The following SHROOM3 variants were observed in gnomAD, a reference collection of about 807,000 sequenced individuals.
SHROOM3 encodes the protein protein Shroom3.
In SHROOM3, 47 loss-of-function variants were observed where a neutral mutation model predicts 138.6. That is an observed-to-expected ratio of 0.34 (90% CI 0.27 to 0.43). The LOEUF (loss-of-function observed/expected upper bound fraction) is 0.43. SHROOM3 is among the 20% of genes least tolerant of loss of function. The pLI, the probability that SHROOM3 is intolerant of heterozygous loss-of-function variation, is 1.00. For missense variants in SHROOM3, 2,491 were observed against 2,596.5 expected (o/e 0.96, Z 0.88); for synonymous variants, 1,062 against 1,063.3 (o/e 1.00, Z 0.02).
intron 2 of SHROOM3, among the ~76,000 whole-genome samples, chr4:76,674,250 C>T (rs1005086936): frequency 3.3e-5 from 5 of 152,054 alleles, no homozygotes; most frequent in Admixed American, 2.6e-4. Context: ...ATTCATATGT[C>T]GAAAAGTCAA....
intron 1 of SHROOM3, among the ~76,000 whole-genome samples, chr4:76,484,923 G>C (rs1239170115): frequency 6.6e-6 from 1 of 152,146 alleles, no homozygotes; most frequent in Non-Finnish European, 1.5e-5. Flanking sequence ...CACTGAAGCT[G>C]CTGACCCTTT....
At chr4:76,613,476 G>A (rs924428436) in intron 2 of SHROOM3, among the ~76,000 whole-genome samples, 1 of 152,162 alleles carries the variant, frequency 6.6e-6, no homozygotes, top group Non-Finnish European at 1.5e-5. Flanking sequence ...AAGGAGTCAA[G>A]TACCAACAGT....
chr4:76,606,401 GT>G (rs1734621908), intron 2 of SHROOM3, among the ~76,000 whole-genome samples: 1 of 149,374 alleles, frequency 6.7e-6, no homozygotes, highest in African/African-American at 2.4e-5. Flanking sequence ...CTGAATGTTG[GT>G]TTTTTATCTG....
intron 1 of SHROOM3, among the ~76,000 whole-genome samples, chr4:76,554,582 G>T (rs1369996637): frequency 6.6e-6 from 1 of 151,932 alleles, no homozygotes; most frequent in Non-Finnish European, 1.5e-5. Context: ...ACCATGCCTG[G>T]CTAATTTTTT....
intron 1 of SHROOM3, among the ~76,000 whole-genome samples, chr4:76,512,937 T>G (rs1004019729): frequency 2.6e-5 from 4 of 152,194 alleles, no homozygotes; most frequent in Admixed American, 1.3e-4. Flanking sequence ...CACAATGTCA[T>G]AAAAGTACCC....
intron 1 of SHROOM3, among the ~76,000 whole-genome samples, chr4:76,441,847 C>T (rs959362634): frequency 6.6e-6 from 1 of 152,160 alleles, no homozygotes; most frequent in Non-Finnish European, 1.5e-5. Flanking sequence ...CTCAGCCTCC[C>T]AAGTAGCTGG....
chr4:76,765,734 C>T (rs563483268), intron 9 of SHROOM3, among the ~76,000 whole-genome samples: 13 of 152,068 alleles, frequency 8.5e-5, no homozygotes, highest in Non-Finnish European at 1.9e-4. Flanking sequence ...TCTAATCTTA[C>T]GACTGCACAA....
intron 2 of SHROOM3, among the ~76,000 whole-genome samples, chr4:76,572,755 A>G (rs1046685301): frequency 6.6e-6 from 1 of 152,112 alleles, no homozygotes; most frequent in African/African-American, 2.4e-5. Context: ...TTTATTCTGA[A>G]CTAGTTTTCT....
At chr4:76,504,677 C>T (rs1382381507) in intron 1 of SHROOM3, among the ~76,000 whole-genome samples, 5 of 152,168 alleles carry the variant, frequency 3.3e-5, no homozygotes, top group Admixed American at 3.3e-4. Flanking sequence ...TAATCCCCTG[C>T]CCCTAAAGTC....
chr4:76,697,939 A>G (rs917786075), intron 2 of SHROOM3, among the ~76,000 whole-genome samples: 2 of 152,206 alleles, frequency 1.3e-5, no homozygotes, highest in African/African-American at 4.8e-5. Context: ...TATAGTAACT[A>G]AGAGAAAGGA....
intron 1 of SHROOM3, among the ~76,000 whole-genome samples, chr4:76,526,249 C>G (rs1732686747): frequency 6.6e-6 from 1 of 152,132 alleles, no homozygotes; most frequent in Non-Finnish European, 1.5e-5. Context: ...TGCCTGTAAT[C>G]CCAGCTACTC....
intron 2 of SHROOM3, among the ~76,000 whole-genome samples, chr4:76,601,386 A>G (rs532073134): frequency 9.9e-5 from 15 of 152,280 alleles, no homozygotes; most frequent in Admixed American, 3.9e-4. Context: ...CAGTAATGCC[A>G]AGGCTGAGAA....
chr4:76,475,854 A>G (rs1237367823), intron 1 of SHROOM3, among the ~76,000 whole-genome samples: 3 of 152,252 alleles, frequency 2.0e-5, no homozygotes, highest in African/African-American at 7.2e-5. Context: ...AATAGCTTTC[A>G]TTAATGTAAC....
At chr4:76,559,223 T>C (rs1733549777) in intron 2 of SHROOM3, 1 of 152,188 alleles carries the variant, frequency 6.6e-6, no homozygotes, top group Admixed American at 6.5e-5. Context: ...ATCTGACACA[T>C]GCTTATAGAT....
At position 76,739,158 on chromosome 4, in the gene SHROOM3, C is replaced by T; in HGVS notation, c.985C>T (p.Leu329=). ...GTATGAGGTGAACTCTTCAGCCCTG[C>T]TGCTTCAAGGTAGGGAGGCCCGAGC... The part of the protein sequence containing the change: ...AEYEVNSSAL[L]LQGREARASA... The change falls in exon 5 of 11, where the codon CTG becomes TTG. Residue 329 remains leucine, a synonymous_variant. Transcript: ENST00000296043. 6.2e-7 allele frequency: 1 copy of T among 1,614,180 alleles called. No homozygotes were observed. Among genetic ancestry groups the T allele is most frequent in the Non-Finnish European group, 8.5e-7 (1 of 1,180,014 alleles).
chr4:76,652,942 G>A (rs1735991441), intron 2 of SHROOM3, among the ~76,000 whole-genome samples: 1 of 152,076 alleles, frequency 6.6e-6, no homozygotes, highest in South Asian at 2.1e-4. Flanking sequence ...TAGACCTGGA[G>A]CAGATATATC....
chr4:76,670,999 A>G (rs1718865158), intron 2 of SHROOM3, among the ~76,000 whole-genome samples: 2 of 152,104 alleles, frequency 1.3e-5, no homozygotes. Flanking sequence ...AACAAGACCT[A>G]TCCACTCCAT....
chr4:76,485,040 C>T (rs749407602), intron 1 of SHROOM3, among the ~76,000 whole-genome samples: 9 of 152,210 alleles, frequency 5.9e-5, no homozygotes, highest in Non-Finnish European at 1.3e-4. Flanking sequence ...TAGAAGAACT[C>T]ACTCTTCTCA....
At chr4:76,608,668 C>CATAGCATAGCAT (rs1734691678) in intron 2 of SHROOM3, among the ~76,000 whole-genome samples, 1,253 of 94,292 alleles carry the variant, frequency 0.013, 192 homozygotes, top group African/African-American at 0.041. Context: ...TAGCATAGCA[C>CATAGCATAGCAT]AGCATAGCAC....
Sources: allele counts gnomAD v4.1 joint callset (sites outside exome capture counted in the v4.1 genomes callset), GRCh38; gene constraint gnomAD v4.1.1; transcripts MANE v1.5; gene names NCBI Gene and HGNC (gene_info 2026-07-23, HGNC 2026-07-21).